Variants in TVP23A observed in about 807,000 individuals in gnomAD.
The protein encoded by TVP23A is trans-golgi network vesicle protein 23 homolog A, also known as Golgi apparatus membrane protein TVP23 homolog A.
Under a neutral mutation model 31.7 loss-of-function variants are expected in TVP23A, and 21 were observed. The ratio of observed to expected loss-of-function variants is 0.66; its 90% CI spans 0.47 to 0.95. The LOEUF is 0.95. Among genes scored for constraint, TVP23A ranks in the 40% least tolerant of loss-of-function variants. TVP23A has a pLI of 0.00. For synonymous variants in TVP23A, 104 were observed against 96.0 expected (o/e 1.08, Z -0.49); for missense variants, 279 against 255.6 (o/e 1.09, Z -0.62).
intron 2 of TVP23A, among the ~76,000 whole-genome samples, chr16:10,794,171 G>A (rs147535106): frequency 1.6e-4 from 25 of 152,220 alleles, no homozygotes; most frequent in African/African-American, 5.1e-4. Flanking sequence ...CCTCACGGCC[G>A]AATCATCACT....
intron 6 of TVP23A, among the ~76,000 whole-genome samples, chr16:10,770,931 A>G (rs1043134720): frequency 6.6e-6 from 1 of 150,954 alleles, no homozygotes; most frequent in Non-Finnish European, 1.5e-5. Context: ...CCTTAATTCT[A>G]TACTTTTAAA....
At chr16:10,798,950 C>T (rs2033553547) in intron 2 of TVP23A, among the ~76,000 whole-genome samples, 1 of 152,252 alleles carries the variant, frequency 6.6e-6, no homozygotes, top group African/African-American at 2.4e-5. Context: ...GTGTGAGCCA[C>T]CAAGCCCAGG....
rs530083092 is a variant in TVP23A at position 10,782,181 on chromosome 16, C to T, written c.90-7085G>A. Reference sequence around the variant, plus strand: ...CTGGCCAAATAACACAACCTTCCCACACTCAGCTGTCATCAGACCCTCAGC... The same window carrying T: ...CTGGCCAAATAACACAACCTTCCCATACTCAGCTGTCATCAGACCCTCAGC... On this transcript the variant is annotated intron_variant, in intron 2 of 7. Transcript: ENST00000299866. Among the ~76,000 whole-genome samples, 15 of 152,194 alleles carry T rather than the reference C, an allele frequency of 9.9e-5. No homozygotes were observed. In the East Asian group the frequency reaches 2.9e-3, roughly 29 times the overall value.
chr16:10,761,001 A>T (rs540750394), downstream of TVP23A: 7 of 195,336 alleles, frequency 3.6e-5, no homozygotes, highest in African/African-American at 1.4e-4. Context: ...TGGAAGGCAA[A>T]GCAGGCACAT....
chr16:10,776,895 G>A (rs184676403), intron 2 of TVP23A, among the ~76,000 whole-genome samples: 1 of 152,124 alleles, frequency 6.6e-6, no homozygotes, highest in Non-Finnish European at 1.5e-5. Context: ...GTGTAGCAGT[G>A]GGGACGACCA....
At chr16:10,800,477 G>C (rs2033642772) in intron 2 of TVP23A, 1 of 152,124 alleles carries the variant, frequency 6.6e-6, no homozygotes, top group African/African-American at 2.4e-5. Context: ...CTTCTTAAAA[G>C]CTATAACCAA....
intron 2 of TVP23A, among the ~76,000 whole-genome samples, chr16:10,792,224 T>G (rs1014374895): frequency 3.9e-5 from 6 of 152,234 alleles, no homozygotes; most frequent in Non-Finnish European, 7.3e-5. Flanking sequence ...AACTCATTCC[T>G]TATGTGTGTC....
chr16:10,800,583 A>AT (rs985961894), intron 2 of TVP23A, among the ~76,000 whole-genome samples: 2 of 152,202 alleles, frequency 1.3e-5, no homozygotes, highest in African/African-American at 4.8e-5. Flanking sequence ...TTGAGTGGTC[A>AT]TATTAACTCC....
intron 2 of TVP23A, among the ~76,000 whole-genome samples, chr16:10,791,397 T>C (rs2033095420): frequency 1.3e-5 from 2 of 152,174 alleles, no homozygotes; most frequent in Non-Finnish European, 2.9e-5. Flanking sequence ...GAGTACCAAC[T>C]AAGGTTTTCC....
intron 2 of TVP23A, among the ~76,000 whole-genome samples, chr16:10,815,370 C>T (rs1445334010): frequency 6.6e-6 from 1 of 152,200 alleles, no homozygotes; most frequent in African/African-American, 2.4e-5. Context: ...CGAGATTGCA[C>T]CACTGTGCTC....
At chr16:10,770,805 G>A (rs2031542683) in intron 6 of TVP23A, among the ~76,000 whole-genome samples, 1 of 146,268 alleles carries the variant, frequency 6.8e-6, no homozygotes, top group African/African-American at 2.6e-5. Context: ...CGGAGCCGGA[G>A]GTTGCAGTGA....
chr16:10,776,066 A>AT (rs1195376546), intron 2 of TVP23A, among the ~76,000 whole-genome samples: 6 of 150,042 alleles, frequency 4.0e-5, no homozygotes, highest in Non-Finnish European at 5.9e-5. Context: ...TTTTATTATT[A>AT]TTATTTTTTA....
At chr16:10,761,499 C>G in exon 9 of TVP23A, 1 of 1,579,264 alleles carries the variant, frequency 6.3e-7, no homozygotes, top group Non-Finnish European at 8.7e-7. Flanking sequence ...GGCTGCCAGG[C>G]GAGCAAGATC....
intron 2 of TVP23A, among the ~76,000 whole-genome samples, chr16:10,782,964 G>A (rs552677315): frequency 1.3e-5 from 2 of 152,160 alleles, no homozygotes; most frequent in East Asian, 3.9e-4. Flanking sequence ...GAAGCAAACT[G>A]CCCCTACCTG....
intron 2 of TVP23A, among the ~76,000 whole-genome samples, chr16:10,817,379 C>T (rs1233212939): frequency 6.6e-6 from 1 of 152,204 alleles, no homozygotes; most frequent in Admixed American, 6.5e-5. Context: ...GCTCTGATAG[C>T]TGGAAGCAGA....
downstream of TVP23A, among the ~76,000 whole-genome samples, chr16:10,765,804 AG>A: frequency 6.6e-6 from 1 of 152,350 alleles, no homozygotes; most frequent in Admixed American, 6.5e-5. This position sits in a 1 kb window ranked among gnomAD's most constrained non-coding sequence, Gnocchi z 4.0. Context: ...GACAGCTGCG[AG>A]GCTCATTCTG....
At chr16:10,802,830 T>TC (rs1414132391) in intron 2 of TVP23A, among the ~76,000 whole-genome samples, 1 of 152,246 alleles carries the variant, frequency 6.6e-6, no homozygotes. Context: ...TTGCTGTGTG[T>TC]ATTTTAGGTT....
At chr16:10,764,065 C>G (rs1489922706), downstream of TVP23A, among the ~76,000 whole-genome samples, 1 of 151,360 alleles carries the variant, frequency 6.6e-6, no homozygotes, top group Non-Finnish European at 1.5e-5. Context: ...AGCATCTCAG[C>G]CCACTGGAGC....
At chr16:10,791,408 T>G (rs1229277785) in intron 2 of TVP23A, among the ~76,000 whole-genome samples, 1 of 152,340 alleles carries the variant, frequency 6.6e-6, no homozygotes, top group East Asian at 1.9e-4. Context: ...AAGGTTTTCC[T>G]TTTAATGAAA....
Sources: gnomAD v4.1 joint callset for allele counts (sites outside exome capture counted in the v4.1 genomes callset) on GRCh38, gnomAD v4.1.1 for gene constraint, Gnocchi (gnomAD v3.1) non-coding constraint, MANE v1.5 for transcripts, NCBI Gene and HGNC (gene_info 2026-07-23, HGNC 2026-07-21) for gene names.